POU6F2: variants seen among roughly 807,000 people sequenced by gnomAD.
The protein encoded by POU6F2 is POU class 6 homeobox 2.
Under a neutral mutation model 71.3 loss-of-function variants are expected in POU6F2, and 31 were observed. That is an observed-to-expected ratio of 0.43 (90% CI 0.33 to 0.59). POU6F2 has a LOEUF of 0.59. Among genes scored for constraint, POU6F2 ranks in the 20% least tolerant of loss-of-function variants. The probability of loss-of-function intolerance (pLI) is 0.04; values close to 1 mark genes in which losing one functional copy is unlikely to be tolerated. For missense variants in POU6F2, 783 were observed against 856.8 expected (o/e 0.91, Z 1.07); for synonymous variants, 347 against 355.7 (o/e 0.98, Z 0.27).
intron 5 of POU6F2, among the ~76,000 whole-genome samples, chr7:39,388,361 G>T (rs186152662): frequency 1.3e-5 from 2 of 152,090 alleles, no homozygotes; most frequent in African/African-American, 2.4e-5. Context: ...TGTTGTCCAG[G>T]CTGGAGTGCA....
At chr7:39,296,301 C>T (rs1784842700) in intron 4 of POU6F2, among the ~76,000 whole-genome samples, 1 of 152,098 alleles carries the variant, frequency 6.6e-6, no homozygotes, top group Non-Finnish European at 1.5e-5. Context: ...CCCTACCAAA[C>T]AAATTTTAAA....
chr7:39,462,874 A>G (rs1354984140), intron 9 of POU6F2, among the ~76,000 whole-genome samples: 2 of 152,228 alleles, frequency 1.3e-5, no homozygotes, highest in African/African-American at 4.8e-5. Context: ...GCTGCTTATC[A>G]CATTATAAGA....
chr7:39,184,402 TCTA>T (rs1449797433), intron 2 of POU6F2, among the ~76,000 whole-genome samples: 1 of 152,182 alleles, frequency 6.6e-6, no homozygotes, highest in African/African-American at 2.4e-5. Flanking sequence ...TAAAAAATAA[TCTA>T]CTAACTCCAA....
chr7:38,988,253 G>C (rs997236344), intron 1 of POU6F2, among the ~76,000 whole-genome samples: 32 of 151,980 alleles, frequency 2.1e-4, no homozygotes, highest in Admixed American at 5.9e-4. Context: ...GAACCACCAG[G>C]GGAAACCTTT....
chr7:39,224,998 C>G (rs1794434291), intron 4 of POU6F2, among the ~76,000 whole-genome samples: 2 of 152,176 alleles, frequency 1.3e-5, no homozygotes, highest in African/African-American at 4.8e-5. Flanking sequence ...AGATGGAGAA[C>G]TCCAACCACT....
At chr7:39,398,156 C>A (rs1348064954) in intron 5 of POU6F2, among the ~76,000 whole-genome samples, 1 of 152,118 alleles carries the variant, frequency 6.6e-6, no homozygotes, top group Non-Finnish European at 1.5e-5. Context: ...CAACTCACTC[C>A]TTCACTCGAT....
chr7:39,057,312 AT>A (rs1437599749), intron 1 of POU6F2, among the ~76,000 whole-genome samples: 2 of 152,180 alleles, frequency 1.3e-5, no homozygotes, highest in Non-Finnish European at 2.9e-5. Context: ...TTTTAAAAAA[AT>A]TCTCTCTAAA....
intron 4 of POU6F2, among the ~76,000 whole-genome samples, chr7:39,246,436 C>A (rs1055839739): frequency 7.7e-6 from 1 of 130,120 alleles, no homozygotes; most frequent in African/African-American, 2.9e-5. Flanking sequence ...TTAAGCTGAC[C>A]CCCTACTGAA....
At chr7:39,298,647 A>G (rs952748397) in intron 4 of POU6F2, among the ~76,000 whole-genome samples, 17 of 152,238 alleles carry the variant, frequency 1.1e-4, no homozygotes, top group Admixed American at 3.3e-4. Context: ...CAGCAATCCC[A>G]TTACTGGGTA....
At chr7:39,121,436 G>C (rs1429406752) in intron 2 of POU6F2, among the ~76,000 whole-genome samples, 2 of 152,172 alleles carry the variant, frequency 1.3e-5, no homozygotes, top group Admixed American at 6.5e-5. Flanking sequence ...CCTTTGCCAG[G>C]TGGCACAATT....
At chr7:39,204,496 A>G (rs2128745397) in intron 3 of POU6F2, among the ~76,000 whole-genome samples, 170 bp downstream of exon 3, 1 of 152,254 alleles carries the variant, frequency 6.6e-6, no homozygotes, top group Non-Finnish European at 1.5e-5. Context: ...AAATACCACC[A>G]AGAAAATATG....
intron 4 of POU6F2, among the ~76,000 whole-genome samples, chr7:39,310,201 T>G (rs916600442): frequency 1.3e-5 from 2 of 152,112 alleles, no homozygotes; most frequent in African/African-American, 2.4e-5. Flanking sequence ...AAGAAAAAAA[T>G]CTTGTAAAGG....
chr7:39,343,048 T>G (rs778656062), intron 5 of POU6F2, among the ~76,000 whole-genome samples: 23 of 152,264 alleles, frequency 1.5e-4, no homozygotes, highest in Non-Finnish European at 3.1e-4. Context: ...CCATTGAGAC[T>G]CAGGACCCAC....
At chr7:39,435,479 GT>G (rs1259333392) in intron 7 of POU6F2, among the ~76,000 whole-genome samples, 3 of 152,006 alleles carry the variant, frequency 2.0e-5, no homozygotes, top group Admixed American at 6.6e-5. Flanking sequence ...TCATGGGATT[GT>G]TTTTTTCTTG....
intron 5 of POU6F2, among the ~76,000 whole-genome samples, chr7:39,399,341 C>T (rs1787246489): frequency 6.6e-6 from 1 of 152,190 alleles, no homozygotes; most frequent in African/African-American, 2.4e-5. Flanking sequence ...TGAATAAATG[C>T]TCGGTCCCAC....
rs533218970 is a variant in POU6F2 at position 39,460,373 on chromosome 7, G to C, written c.1490-174G>C. The stretch of plus-strand genomic sequence containing the variant: ...AGGATGATTTGTGGAGGTGTAATGA[G>C]TTGCGGATGGAGTGTTGGGTGTCTC... On this transcript the variant is annotated intron_variant, in intron 8 of 9. Coordinates refer to ENST00000518318, the MANE Select transcript of POU6F2 (RefSeq NM_001370959.1). The surrounding 1 kb of genome is among the most constrained non-coding windows in gnomAD (Gnocchi z 4.4). Among the ~76,000 whole-genome samples, 2 of 152,318 alleles carry C rather than the reference G, an allele frequency of 1.3e-5. No homozygotes were observed. The highest frequency in any genetic ancestry group is 2.9e-5 in the Non-Finnish European group (2 of 68,032).
chr7:39,256,232 T>G (rs146806071), intron 4 of POU6F2, among the ~76,000 whole-genome samples: 1 of 152,112 alleles, frequency 6.6e-6, no homozygotes, highest in African/African-American at 2.4e-5. Flanking sequence ...TCATAAAGCA[T>G]GTGACCTTGC....
At chr7:39,082,951 TGA>T (rs1791157735) in intron 1 of POU6F2, among the ~76,000 whole-genome samples, 1 of 152,092 alleles carries the variant, frequency 6.6e-6, no homozygotes, top group African/African-American at 2.4e-5. Flanking sequence ...CTCAAGTTGG[TGA>T]GAGGCACTAG....
chr7:39,437,689 T>C (rs1788282861), intron 7 of POU6F2, among the ~76,000 whole-genome samples: 1 of 152,192 alleles, frequency 6.6e-6, no homozygotes, highest in African/African-American at 2.4e-5. Context: ...TCCTCTTGCC[T>C]CTCTAGTTCT....
Sources: gnomAD v4.1 joint callset for allele counts (sites outside exome capture counted in the v4.1 genomes callset) on GRCh38, gnomAD v4.1.1 for gene constraint, Gnocchi (gnomAD v3.1) non-coding constraint, MANE v1.5 for transcripts, NCBI Gene and HGNC (gene_info 2026-07-23, HGNC 2026-07-21) for gene names.